Variants in UGT1A5 observed in about 807,000 individuals in gnomAD.
UGT1A5 encodes the protein UDP-glucuronosyltransferase 1A5.
Under a neutral mutation model 40.3 loss-of-function variants are expected in UGT1A5, and 29 were observed. The observed-to-expected ratio is 0.72, with a 90% CI of 0.54 to 0.98. The LOEUF is 0.98. Among genes scored for constraint, UGT1A5 ranks in the 50% least tolerant of loss-of-function variants. The pLI is 0.00. For missense variants in UGT1A5, 678 were observed against 677.9 expected, an observed-to-expected ratio of 1.00 and a Z score of 0.00; for synonymous variants, 257 against 262.5, an observed-to-expected ratio of 0.98 and a Z score of 0.20.
rs771390950 is a variant in UGT1A5, at chr2:233,729,756, G to T, written c.867+15898G>T. The T allele has an allele frequency of 1.9e-6, 3 of 1,613,874 alleles. No individual in the cohort carries two copies. The South Asian group carries it at 3.3e-5, about 18-fold the overall frequency. On this transcript the variant is annotated intron_variant, in intron 1 of 4. Transcript: ENST00000373414. ...CAGACCACATGACATTCATGCAAAG[G>T]GTCAAGAACATGCTCTACCCTCTGG... is the stretch of plus-strand genomic sequence containing the variant.
chr2:233,760,683 C>G, intron 1 of UGT1A5: 1 of 1,614,204 alleles, frequency 6.2e-7, no homozygotes, highest in Non-Finnish European at 8.5e-7. Context: ...ACTTACTGCA[C>G]AACAAGGAGC....
At chr2:233,721,819 T>C in intron 1 of UGT1A5, 1 of 516,632 alleles carries the variant, frequency 1.9e-6, no homozygotes, top group Non-Finnish European at 3.9e-6. Flanking sequence ...TCCAGCACCC[T>C]ATTTGGGCCA....
chr2:233,737,322 T>C (rs904493315), intron 1 of UGT1A5, among the ~76,000 whole-genome samples: 1 of 152,214 alleles, frequency 6.6e-6, no homozygotes, highest in Admixed American at 6.5e-5. Flanking sequence ...ACTGCTGCAC[T>C]AGCAGTGAGC....
At chr2:233,731,289 T>C (rs2078133665) in intron 1 of UGT1A5, among the ~76,000 whole-genome samples, 1 of 152,126 alleles carries the variant, frequency 6.6e-6, no homozygotes, top group East Asian at 1.9e-4. Context: ...TCTTTCTTTT[T>C]TTTTTTTTTA....
At chr2:233,760,305 G>A (rs745957787) in intron 1 of UGT1A5, 6 of 1,613,702 alleles carry the variant, frequency 3.7e-6, no homozygotes, top group Non-Finnish European at 5.1e-6. Flanking sequence ...TGGAGTCCCA[G>A]GGCGGACGCC....
chr2:233,751,840 C>T (rs55891750), intron 1 of UGT1A5, among the ~76,000 whole-genome samples: 9,684 of 152,142 alleles, frequency 0.064, 535 homozygotes, highest in African/African-American at 0.14. Context: ...GGAACTGAGT[C>T]ATTTAAACCT....
chr2:233,749,231 T>A (rs10178992), intron 1 of UGT1A5, among the ~76,000 whole-genome samples: 55,848 of 151,690 alleles, frequency 0.37, 10,811 homozygotes, highest in African/African-American at 0.42. Context: ...CTTCATTTTT[T>A]AAAATCAAAC....
rs371183955 is a variant in UGT1A5, at chr2:233,772,416, C to T, written c.1462C>T (p.His488Tyr). 1.7e-5 allele frequency: 28 copies of T among 1,614,228 alleles called. 1 individual carries two copies. The East Asian group carries it at 2.5e-4, about 14-fold the overall frequency. ...AAHDLTWYQY[H>Y]SLDVIGFLLA... ...CCACGACCTCACCTGGTACCAGTAC[C>T]ATTCCTTGGACGTGATTGGTTTCCT... Residue 488 changes from histidine to tyrosine, a missense_variant, in exon 5 of 5, where the codon CAT becomes TAT. Transcript: ENST00000373414.
Position 233,772,946 on chromosome 2 carries a change from G to A in UGT1A5, c.*387G>A. On this transcript the variant is annotated 3_prime_UTR_variant, in exon 5 of 5. Transcript: ENST00000373414. ...GTTTTAATCTTATCTTTTGGCTTCT[G>A]CAGATGGTTGCAATTGATCCTTAAC... The A allele has an allele frequency of 3.1e-6, 1 of 325,346 alleles. No homozygotes were observed. Among genetic ancestry groups the A allele is most frequent in the Non-Finnish European group, 5.8e-6 (1 of 173,426 alleles). The allele number at this position is 325,346 out of a possible 1,614,324, so 20.2% of individuals were successfully genotyped here.
intron 4 of UGT1A5, chr2:233,771,569 G>A (rs1337987311): frequency 6.6e-6 from 1 of 152,150 alleles, no homozygotes; most frequent in Non-Finnish European, 1.5e-5. Flanking sequence ...GGCCAGAGGT[G>A]GTTGTTTACA....
intron 1 of UGT1A5, among the ~76,000 whole-genome samples, chr2:233,715,142 T>C (rs555034486): frequency 2.0e-5 from 3 of 152,334 alleles, no homozygotes; most frequent in Admixed American, 2.0e-4. Flanking sequence ...CACCTCAGCC[T>C]GCCAAAGTGC....
At chr2:233,713,977 C>G in intron 1 of UGT1A5, 119 bp downstream of exon 1, 1 of 1,595,304 alleles carries the variant, frequency 6.3e-7, no homozygotes, top group Non-Finnish European at 8.5e-7. Context: ...TTCTGCTTCT[C>G]ATTGTTGTAA....
At position 233,764,952 on chromosome 2, in the gene UGT1A5, G is replaced by A. The variant is rs141731857; in HGVS notation, c.868-2082G>A. On this transcript the variant is annotated intron_variant, in intron 1 of 4. Transcript: ENST00000373414. Reference sequence around the variant, plus strand: ...GCTGGTGAGAGTGGCGGGGAGAGAGGGCTCACCTTGGGAGAAGGATGGTCA... The same window carrying A: ...GCTGGTGAGAGTGGCGGGGAGAGAGAGCTCACCTTGGGAGAAGGATGGTCA... Among the ~76,000 whole-genome samples the A allele has an allele frequency of 2.5e-3, 384 of 152,210 alleles. 3 individuals are homozygous for A. Among genetic ancestry groups the A allele is most frequent in the South Asian group, 8.5e-3 (41 of 4,812 alleles).
At chr2:233,734,842 C>T (rs1375644897) in intron 1 of UGT1A5, among the ~76,000 whole-genome samples, 1 of 152,178 alleles carries the variant, frequency 6.6e-6, no homozygotes, top group Non-Finnish European at 1.5e-5. Flanking sequence ...GTTTCTTAAT[C>T]CAGAGTTCTA....
intron 1 of UGT1A5, among the ~76,000 whole-genome samples, chr2:233,724,444 A>C (rs1289954419): frequency 6.8e-4 from 46 of 67,350 alleles, no homozygotes; most frequent in South Asian, 1.5e-3. Context: ...CTTCTCAGAC[A>C]GGGCAGCTGC....
At chr2:233,756,818 C>T (rs1022493170) in intron 1 of UGT1A5, among the ~76,000 whole-genome samples, 38 of 151,930 alleles carry the variant, frequency 2.5e-4, no homozygotes, top group Admixed American at 5.2e-4. Flanking sequence ...CACTCAATTC[C>T]AAGGGGAAAA....
intron 1 of UGT1A5, among the ~76,000 whole-genome samples, chr2:233,725,123 C>T (rs1575559586): frequency 7.2e-6 from 1 of 137,948 alleles, no homozygotes; most frequent in South Asian, 2.6e-4. Flanking sequence ...TTGCAGTGAG[C>T]CGAGATGGCA....
At chr2:233,740,238 G>A (rs1254751502) in intron 1 of UGT1A5, among the ~76,000 whole-genome samples, 1 of 151,796 alleles carries the variant, frequency 6.6e-6, no homozygotes, top group Non-Finnish European at 1.5e-5. Context: ...AGCAGGCTGA[G>A]AATAGACTAA....
intron 1 of UGT1A5, chr2:233,752,552 G>A (rs942776893): frequency 6.6e-6 from 1 of 152,002 alleles, no homozygotes; most frequent in South Asian, 2.1e-4. Context: ...GCTCTTGCTG[G>A]GACAACATAG....
Sources: allele counts gnomAD v4.1 joint callset (sites outside exome capture counted in the v4.1 genomes callset), GRCh38; gene constraint gnomAD v4.1.1; transcripts MANE v1.5; gene names NCBI Gene and HGNC (gene_info 2026-07-23, HGNC 2026-07-21).